UNC79: variants seen among roughly 807,000 people sequenced by gnomAD.
UNC79 encodes protein unc-79 homolog.
Under a neutral mutation model 283.1 loss-of-function variants are expected in UNC79, and 37 were observed. The ratio of observed to expected loss-of-function variants is 0.13; its 90% CI spans 0.10 to 0.17. UNC79 has a LOEUF of 0.17. Ranked by LOEUF, UNC79 falls within the 10% of genes least tolerant of loss-of-function variation. The pLI, the probability that UNC79 is intolerant of heterozygous loss-of-function variation, is 1.00. For missense variants in UNC79, 2,272 were observed against 3,211.1 expected, an observed-to-expected ratio of 0.71 and a Z score of 7.07; for synonymous variants, 1,107 against 1,200.2, an observed-to-expected ratio of 0.92 and a Z score of 1.61.
chr14:93,664,673 T>C (rs984352574), intron 40 of UNC79, among the ~76,000 whole-genome samples: 3 of 152,140 alleles, frequency 2.0e-5, no homozygotes, highest in African/African-American at 7.2e-5. Context: ...AGATTTATAG[T>C]CTCCCTTGAA....
At chr14:93,402,014 A>C (rs954601036) in intron 1 of UNC79, among the ~76,000 whole-genome samples, 1 of 152,218 alleles carries the variant, frequency 6.6e-6, no homozygotes, top group African/African-American at 2.4e-5. Context: ...ATGGTGGCTC[A>C]TGCCTGTAAT....
intron 18 of UNC79, among the ~76,000 whole-genome samples, chr14:93,579,765 C>G (rs188008643): frequency 6.6e-6 from 1 of 152,282 alleles, no homozygotes; most frequent in Non-Finnish European, 1.5e-5. Flanking sequence ...CTCCAAGGAG[C>G]CCTGGTTCCT....
intron 1 of UNC79, among the ~76,000 whole-genome samples, chr14:93,406,233 G>GA (rs1168360595): frequency 6.6e-6 from 1 of 152,106 alleles, no homozygotes; most frequent in Non-Finnish European, 1.5e-5. Flanking sequence ...GCAGTGTTAA[G>GA]AAAAAATAGT....
At chr14:93,342,678 A>G (rs1403341104) in intron 1 of UNC79, among the ~76,000 whole-genome samples, 1 of 152,216 alleles carries the variant, frequency 6.6e-6, no homozygotes, top group Non-Finnish European at 1.5e-5. Flanking sequence ...TGTTTTAAGC[A>G]TAAGTTCCAA....
chr14:93,505,849 T>G (rs2059511197), intron 7 of UNC79, among the ~76,000 whole-genome samples: 1 of 151,934 alleles, frequency 6.6e-6, no homozygotes, highest in South Asian at 2.1e-4. Flanking sequence ...GATTATATCA[T>G]GCATTCTTGA....
At chr14:93,543,705 C>G (rs964945499) in intron 14 of UNC79, among the ~76,000 whole-genome samples, 1 of 152,112 alleles carries the variant, frequency 6.6e-6, no homozygotes, top group Non-Finnish European at 1.5e-5. Context: ...GCATCTAACC[C>G]AGAAAGGTGG....
chr14:93,417,093 G>A (rs2055478475), intron 1 of UNC79, among the ~76,000 whole-genome samples: 1 of 152,188 alleles, frequency 6.6e-6, no homozygotes, highest in Non-Finnish European at 1.5e-5. Flanking sequence ...TTGCTCGTTA[G>A]TTGATCCAGT....
chr14:93,473,460 A>G (rs2057632245), intron 2 of UNC79, among the ~76,000 whole-genome samples: 1 of 152,222 alleles, frequency 6.6e-6, no homozygotes, highest in Non-Finnish European at 1.5e-5. Flanking sequence ...TTATTTCTAA[A>G]TTCATATGCC....
At chr14:93,497,352 C>G (rs2059058511) in intron 7 of UNC79, 66 bp downstream of exon 7, 2 of 1,507,702 alleles carry the variant, frequency 1.3e-6, no homozygotes, top group Non-Finnish European at 1.8e-6. Flanking sequence ...GCCTCACCTA[C>G]TTATACATAC....
intron 14 of UNC79, among the ~76,000 whole-genome samples, chr14:93,552,113 G>T (rs1452917547): frequency 6.6e-6 from 1 of 152,186 alleles, no homozygotes; most frequent in Non-Finnish European, 1.5e-5. Flanking sequence ...ATAGCACCCA[G>T]TGATAATTAA....
intron 1 of UNC79, among the ~76,000 whole-genome samples, chr14:93,363,128 C>T (rs1030991258): frequency 4.7e-4 from 72 of 152,094 alleles, no homozygotes; most frequent in African/African-American, 1.6e-3. Flanking sequence ...CTTAACACTG[C>T]TTTAGCTGTG....
intron 2 of UNC79, among the ~76,000 whole-genome samples, chr14:93,468,484 A>T (rs1330603244): frequency 6.6e-6 from 1 of 152,346 alleles, no homozygotes; most frequent in South Asian, 2.1e-4. Flanking sequence ...TTAAATTCCA[A>T]GATGTGGTTT....
intron 37 of UNC79, among the ~76,000 whole-genome samples, chr14:93,654,828 C>T (rs541415111): frequency 2.4e-4 from 37 of 152,228 alleles, no homozygotes; most frequent in South Asian, 1.7e-3. Flanking sequence ...GGGTTCAAGT[C>T]TCAGCACTGC....
At chr14:93,593,181 G>A (rs1464004751) in intron 22 of UNC79, among the ~76,000 whole-genome samples, 2 of 152,142 alleles carry the variant, frequency 1.3e-5, no homozygotes, top group African/African-American at 4.8e-5. Flanking sequence ...CAGCCTGTTT[G>A]TGTTCCCCCT....
intron 1 of UNC79, among the ~76,000 whole-genome samples, chr14:93,371,374 G>A (rs994528516): frequency 3.3e-5 from 5 of 151,770 alleles, no homozygotes; most frequent in African/African-American, 7.3e-5. Context: ...GTGGCAGAGC[G>A]AGACTCCATC....
chr14:93,428,061 C>T (rs1016393296), upstream of UNC79, among the ~76,000 whole-genome samples: 3 of 152,068 alleles, frequency 2.0e-5, no homozygotes, highest in African/African-American at 7.2e-5. Context: ...ATTTCAAATG[C>T]TGGCATTAGT....
chr14:93,524,242 T>C (rs1286945997), intron 8 of UNC79, among the ~76,000 whole-genome samples, 200 bp downstream of exon 8: 3 of 152,252 alleles, frequency 2.0e-5, no homozygotes, highest in African/African-American at 7.2e-5. Flanking sequence ...CAGTTTTGGC[T>C]ATGCGTTCGT....
chr14:93,471,628 A>G (rs2057516449), intron 2 of UNC79, among the ~76,000 whole-genome samples: 1 of 151,806 alleles, frequency 6.6e-6, no homozygotes, highest in African/African-American at 2.4e-5. Flanking sequence ...ATCACAATGC[A>G]TTGTACATTT....
At chr14:93,427,045 A>G (rs1241089850), upstream of UNC79, among the ~76,000 whole-genome samples, 1 of 152,168 alleles carries the variant, frequency 6.6e-6, no homozygotes, top group East Asian at 1.9e-4. Flanking sequence ...ACTATAAACT[A>G]TCAGTTTATT....
Sources: gnomAD v4.1 joint callset for allele counts (sites outside exome capture counted in the v4.1 genomes callset) on GRCh38, gnomAD v4.1.1 for gene constraint, MANE v1.5 for transcripts, NCBI Gene and HGNC (gene_info 2026-07-23, HGNC 2026-07-21) for gene names.